The following B3GALT1 variants were observed in gnomAD, a reference collection of about 807,000 sequenced individuals.
B3GALT1 encodes beta-1,3-galactosyltransferase 1, also known as UDP-Gal:betaGlcNAc beta 1,3-galactosyltransferase, polypeptide 1.
In B3GALT1, 10 loss-of-function variants were observed where a neutral mutation model predicts 23.2. The observed-to-expected ratio is 0.43, with a 90% confidence interval of 0.27 to 0.73. The LOEUF is 0.73. Ranked by LOEUF, B3GALT1 falls within the 30% of genes least tolerant of loss-of-function variation. B3GALT1 has a pLI of 0.21. For synonymous variants in B3GALT1, 156 were observed against 141.5 expected (o/e 1.10, Z -0.73); for missense variants, 299 against 405.4 (o/e 0.74, Z 2.25).
At chr2:167,504,239 T>A (rs1699887192) in intron 2 of B3GALT1, among the ~76,000 whole-genome samples, 1 of 152,234 alleles carries the variant, frequency 6.6e-6, no homozygotes, top group African/African-American at 2.4e-5. Context: ...TTAGTTGGCC[T>A]TGTTTACTTA....
chr2:167,673,615 A>G (rs550625588), intron 3 of B3GALT1, among the ~76,000 whole-genome samples: 1 of 152,100 alleles, frequency 6.6e-6, no homozygotes, highest in South Asian at 2.1e-4. Context: ...AATATTTTAT[A>G]AATATATATT....
chr2:167,709,508 G>T (rs906099260), intron 3 of B3GALT1, among the ~76,000 whole-genome samples: 1 of 152,200 alleles, frequency 6.6e-6, no homozygotes, highest in African/African-American at 2.4e-5. Flanking sequence ...TGCTAAAATT[G>T]TGTTAATATT....
chr2:167,475,605 C>A (rs1231234490), intron 1 of B3GALT1, among the ~76,000 whole-genome samples: 1 of 152,046 alleles, frequency 6.6e-6, no homozygotes, highest in Non-Finnish European at 1.5e-5. Flanking sequence ...GCCTGATAAG[C>A]ACTTGGTTAA....
intron 2 of B3GALT1, among the ~76,000 whole-genome samples, chr2:167,554,618 G>C (rs1351365124): frequency 6.6e-6 from 1 of 152,090 alleles, no homozygotes; most frequent in African/African-American, 2.4e-5. Flanking sequence ...TATGCAATAA[G>C]AGTAAAGACT....
At chr2:167,412,154 C>G (rs1200612159) in intron 1 of B3GALT1, among the ~76,000 whole-genome samples, 2 of 151,940 alleles carry the variant, frequency 1.3e-5, no homozygotes, top group African/African-American at 2.4e-5. Flanking sequence ...AAAACATTAA[C>G]CATAACAACT....
At chr2:167,437,514 A>G (rs1698808823) in intron 1 of B3GALT1, among the ~76,000 whole-genome samples, 1 of 152,178 alleles carries the variant, frequency 6.6e-6, no homozygotes. Flanking sequence ...CCCTTCAGAA[A>G]TCTAAAACAC....
In B3GALT1 at chr2:167,795,721, C is replaced by G. The variant is rs529600804; in HGVS notation, c.-351-22951C>G. Among the ~76,000 whole-genome samples, 176 of 152,294 alleles carry G rather than the reference C, an allele frequency of 1.2e-3. 1 individual carries two copies. The highest frequency in any genetic ancestry group is 2.1e-3 in the South Asian group (10 of 4,818). ...TCATTTTTCACAGGAAACTGACTGT[C>G]CTACCACTGGTTGATTTAAATTCTA... On this transcript the variant is annotated intron_variant, in intron 3 of 4. Coordinates refer to ENST00000392690, the MANE Select transcript of B3GALT1 (RefSeq NM_020981.4).
intron 3 of B3GALT1, among the ~76,000 whole-genome samples, chr2:167,654,682 G>A (rs1574192930): frequency 6.6e-6 from 1 of 151,824 alleles, no homozygotes; most frequent in Admixed American, 6.6e-5. Flanking sequence ...TTTTTGTAGA[G>A]ACAGGATCTT....
chr2:167,826,361 C>T (rs1378783057), intron 4 of B3GALT1, among the ~76,000 whole-genome samples: 2 of 152,150 alleles, frequency 1.3e-5, no homozygotes, highest in African/African-American at 4.8e-5. Context: ...GTCATTTGGT[C>T]CCTGATCTCT....
At chr2:167,432,345 T>C (rs1698718726) in intron 1 of B3GALT1, among the ~76,000 whole-genome samples, 1 of 152,092 alleles carries the variant, frequency 6.6e-6, no homozygotes, top group African/African-American at 2.4e-5. Flanking sequence ...GAAAAAGTAA[T>C]AAGATTGGTC....
chr2:167,773,692 C>T (rs1020724426), intron 3 of B3GALT1, among the ~76,000 whole-genome samples: 4 of 152,312 alleles, frequency 2.6e-5, no homozygotes, highest in Middle Eastern at 3.4e-3. Context: ...GCATGGAGAC[C>T]GCTCAACTAC....
chr2:167,752,817 C>G (rs1039936253), intron 3 of B3GALT1, among the ~76,000 whole-genome samples: 4 of 152,318 alleles, frequency 2.6e-5, no homozygotes, highest in African/African-American at 4.8e-5. Context: ...ATTTGGGGAG[C>G]TGCGGTTGAA....
intron 1 of B3GALT1, among the ~76,000 whole-genome samples, chr2:167,448,123 C>G (rs947099082): frequency 6.6e-6 from 1 of 152,130 alleles, no homozygotes; most frequent in Admixed American, 6.5e-5. Flanking sequence ...GACTTCTTTC[C>G]TCTGGGTAGA....
At chr2:167,506,849 T>C (rs1012188013) in intron 2 of B3GALT1, among the ~76,000 whole-genome samples, 5 of 152,190 alleles carry the variant, frequency 3.3e-5, no homozygotes, top group Admixed American at 1.3e-4. Flanking sequence ...GAATGTTTAA[T>C]GGTATACATT....
At chr2:167,315,313 A>G (rs907271475) in intron 1 of B3GALT1, among the ~76,000 whole-genome samples, 16 of 152,172 alleles carry the variant, frequency 1.1e-4, no homozygotes, top group African/African-American at 3.9e-4. Context: ...AATTATTTTC[A>G]TATAGACTTA....
At chr2:167,833,543 T>G in intron 4 of B3GALT1, among the ~76,000 whole-genome samples, 1 of 152,232 alleles carries the variant, frequency 6.6e-6, no homozygotes, top group East Asian at 1.9e-4. Flanking sequence ...TTTCCTGATT[T>G]GCTCATTGAA....
chr2:167,624,413 C>T (rs1685307561), intron 2 of B3GALT1, among the ~76,000 whole-genome samples: 1 of 152,050 alleles, frequency 6.6e-6, no homozygotes, highest in Non-Finnish European at 1.5e-5. Context: ...GCTAAACACT[C>T]ATAGGAACTT....
intron 2 of B3GALT1, among the ~76,000 whole-genome samples, chr2:167,604,678 G>T (rs1162372028): frequency 1.3e-5 from 2 of 152,104 alleles, no homozygotes; most frequent in Non-Finnish European, 2.9e-5. Context: ...AGGGTAAGTG[G>T]GTTGGGAAGC....
chr2:167,343,220 A>G lies in B3GALT1; in HGVS notation c.-511+49886A>G, dbSNP rs577210175. Among the ~76,000 whole-genome samples, 376 of 152,288 alleles carry G rather than the reference A, an allele frequency of 2.5e-3. 4 individuals are homozygous for G. Among genetic ancestry groups the G allele is most frequent in the Middle Eastern group, 0.01 (3 of 294 alleles). ...GAAAAGAGGAAACTTGCTTTATGAC[A>G]TTAGATAAGTTGGGGTCTGTTATAG... On this transcript the variant is annotated intron_variant, in intron 1 of 4. Transcript: ENST00000392690.
Sources: allele counts gnomAD v4.1 joint callset (sites outside exome capture counted in the v4.1 genomes callset), GRCh38; gene constraint gnomAD v4.1.1; transcripts MANE v1.5; gene names NCBI Gene and HGNC (gene_info 2026-07-23, HGNC 2026-07-21).